The following CHRM3 variants were observed in gnomAD, a reference collection of about 807,000 sequenced individuals.
CHRM3 encodes the protein muscarinic acetylcholine receptor M3.
CHRM3 carries 11 observed loss-of-function variants against 41.8 expected under a neutral mutation model. The ratio of observed to expected loss-of-function variants is 0.26; its 90% CI spans 0.17 to 0.44. CHRM3 has a LOEUF of 0.44. CHRM3 is among the 20% of genes least tolerant of loss of function. The probability of loss-of-function intolerance (pLI) is 1.00; values close to 1 mark genes in which losing one functional copy is unlikely to be tolerated. For missense variants in CHRM3, 571 were observed against 745.4 expected, an observed-to-expected ratio of 0.77 and a Z score of 2.72; for synonymous variants, 297 against 301.4, an observed-to-expected ratio of 0.99 and a Z score of 0.15.
chr1:239,550,555 A>AACTTTC (rs2148437553), intron 3 of CHRM3, among the ~76,000 whole-genome samples: 1 of 152,348 alleles, frequency 6.6e-6, no homozygotes, highest in East Asian at 1.9e-4. Flanking sequence ...GATTTCTATG[A>AACTTTC]AATGTCTTTC....
chr1:239,508,194 G>A (rs954778221), intron 2 of CHRM3, among the ~76,000 whole-genome samples: 3 of 152,168 alleles, frequency 2.0e-5, no homozygotes, highest in African/African-American at 7.2e-5. Context: ...AAAAAGAGGT[G>A]AGGCTATGCA....
Position 239,813,874 on chromosome 1 carries a change from G to T in CHRM3, c.-146-13378G>T, listed in dbSNP as rs556577353. On this transcript the variant is annotated intron_variant, in intron 5 of 6. Coordinates refer to ENST00000676153, the MANE Select transcript of CHRM3 (RefSeq NM_001375978.1). ...GGAGCTTGCAGTGAGCCGAGATCCC[G>T]CCACTGCACTCCAGCCTGGGCGACA... Among the ~76,000 whole-genome samples, 1,019 of 130,826 alleles carry T rather than the reference G, an allele frequency of 7.8e-3. 18 individuals are homozygous for T. The highest frequency in any genetic ancestry group is 0.031 in the African/African-American group (964 of 31,302). 85.8% of individuals were successfully genotyped at this position (130,826 alleles called of 152,430 possible).
intron 1 of CHRM3, among the ~76,000 whole-genome samples, chr1:239,409,393 G>C (rs1660893405): frequency 6.6e-6 from 1 of 152,182 alleles, no homozygotes; most frequent in African/African-American, 2.4e-5. Context: ...ACTCACTGGA[G>C]ACATTGTTTC....
chr1:239,798,390 G>A (rs1669963035), intron 5 of CHRM3, among the ~76,000 whole-genome samples: 1 of 152,128 alleles, frequency 6.6e-6, no homozygotes, highest in Admixed American at 6.5e-5. Context: ...AGGTTCAATT[G>A]TATATGCCAG....
At chr1:239,409,899 C>T (rs1408725230) in intron 1 of CHRM3, among the ~76,000 whole-genome samples, 2 of 152,188 alleles carry the variant, frequency 1.3e-5, no homozygotes, top group Non-Finnish European at 2.9e-5. Flanking sequence ...CTAGATCGCG[C>T]CACTGCACTC....
At chr1:239,877,779 G>A (rs1403446911) in intron 6 of CHRM3, among the ~76,000 whole-genome samples, 1 of 151,958 alleles carries the variant, frequency 6.6e-6, no homozygotes, top group African/African-American at 2.4e-5. Context: ...TCCCCTTTTG[G>A]CACCAGGGAC....
intron 4 of CHRM3, among the ~76,000 whole-genome samples, chr1:239,655,357 A>C (rs1274839368): frequency 6.6e-6 from 1 of 152,352 alleles, no homozygotes; most frequent in East Asian, 1.9e-4. Context: ...AGAAATTTGC[A>C]AGACCCAACA....
intron 5 of CHRM3, among the ~76,000 whole-genome samples, chr1:239,810,796 A>G (rs1671059860): frequency 6.6e-6 from 1 of 152,240 alleles, no homozygotes; most frequent in African/African-American, 2.4e-5. Context: ...CAACCCTTTG[A>G]GGCCAAGAGC....
chr1:239,708,509 T>C (rs1661409145), intron 5 of CHRM3, among the ~76,000 whole-genome samples: 1 of 152,216 alleles, frequency 6.6e-6, no homozygotes, highest in Admixed American at 6.5e-5. Context: ...ATTTCCTAAC[T>C]ATCCTACGTA....
At chr1:239,459,934 C>T (rs1004587040) in intron 1 of CHRM3, among the ~76,000 whole-genome samples, 12 of 152,138 alleles carry the variant, frequency 7.9e-5, no homozygotes, top group South Asian at 2.1e-4. Flanking sequence ...ATAATGATCA[C>T]GCATTAACTC....
At chr1:239,585,441 G>A (rs1043512150) in intron 3 of CHRM3, among the ~76,000 whole-genome samples, 9 of 152,150 alleles carry the variant, frequency 5.9e-5, no homozygotes, top group African/African-American at 1.7e-4. Context: ...AAGTGAAGAT[G>A]TGATGCATGA....
chr1:239,478,951 G>A (rs929556999), intron 1 of CHRM3, among the ~76,000 whole-genome samples: 1 of 152,140 alleles, frequency 6.6e-6, no homozygotes, highest in Admixed American at 6.5e-5. Flanking sequence ...GGGAGGCTGA[G>A]GCGGGTAGAT....
At chr1:239,690,869 T>C (rs1294410357) in intron 5 of CHRM3, among the ~76,000 whole-genome samples, 1 of 151,906 alleles carries the variant, frequency 6.6e-6, no homozygotes, top group Admixed American at 6.6e-5. Context: ...TACCTAAATG[T>C]ATATATAGTG....
chr1:239,741,981 T>G (rs1664893970), intron 5 of CHRM3, among the ~76,000 whole-genome samples: 1 of 152,166 alleles, frequency 6.6e-6, no homozygotes. Flanking sequence ...ATCTCTTGAT[T>G]CTCTTCCTCC....
chr1:239,606,583 T>C (rs1666321677), intron 3 of CHRM3, among the ~76,000 whole-genome samples: 1 of 152,182 alleles, frequency 6.6e-6, no homozygotes, highest in Non-Finnish European at 1.5e-5. Flanking sequence ...CGTAGATTTC[T>C]AGTTTTAATT....
intron 4 of CHRM3, among the ~76,000 whole-genome samples, chr1:239,670,115 C>T (rs976157732): frequency 2.0e-5 from 3 of 152,126 alleles, no homozygotes; most frequent in African/African-American, 2.4e-5. Context: ...CAATAACAAG[C>T]GCTCATCTTT....
chr1:239,577,949 A>C (rs1662527036), intron 3 of CHRM3, among the ~76,000 whole-genome samples: 2 of 152,194 alleles, frequency 1.3e-5, no homozygotes, highest in South Asian at 4.1e-4. Flanking sequence ...TGACAGACGT[A>C]TTAATGGGAA....
chr1:239,791,928 G>A (rs1412567988), intron 5 of CHRM3, among the ~76,000 whole-genome samples: 1 of 152,196 alleles, frequency 6.6e-6, no homozygotes, highest in East Asian at 1.9e-4. Context: ...GCATGTGTCT[G>A]TAAATATACG....
intron 6 of CHRM3, among the ~76,000 whole-genome samples, chr1:239,872,508 C>T (rs1190185606): frequency 6.6e-6 from 1 of 152,142 alleles, no homozygotes. Flanking sequence ...CCGAAATCAG[C>T]ACCACAGAAG....
Sources: allele counts gnomAD v4.1 joint callset (sites outside exome capture counted in the v4.1 genomes callset), GRCh38; gene constraint gnomAD v4.1.1; transcripts MANE v1.5; gene names NCBI Gene and HGNC (gene_info 2026-07-23, HGNC 2026-07-21).